The following MXI1 variants were observed in gnomAD, a reference collection of about 807,000 sequenced individuals.
MXI1 encodes the protein MAX interactor 1, dimerization protein, also known as max-interacting protein 1.
MXI1 carries 18 observed loss-of-function variants against 36.9 expected under a neutral mutation model. The ratio of observed to expected loss-of-function variants is 0.49; its 90% CI spans 0.34 to 0.72. The LOEUF is 0.72. Ranked by LOEUF, MXI1 falls within the 30% of genes least tolerant of loss-of-function variation. The probability of loss-of-function intolerance (pLI) is 0.01; values close to 1 mark genes in which losing one functional copy is unlikely to be tolerated. For missense variants in MXI1, 304 were observed against 379.1 expected, an observed-to-expected ratio of 0.80 and a Z score of 1.64; for synonymous variants, 160 against 146.7, an observed-to-expected ratio of 1.09 and a Z score of -0.65.
At chr10:110,233,867 A>G (rs1179830665) in intron 2 of MXI1, among the ~76,000 whole-genome samples, 1 of 152,160 alleles carries the variant, frequency 6.6e-6, no homozygotes, top group Non-Finnish European at 1.5e-5. Context: ...GTATTGAAGG[A>G]AACTTGTATG....
chr10:110,208,190 A>G (rs1854411417), intron 1 of MXI1, 108 bp downstream of exon 1: 4 of 1,162,800 alleles, frequency 3.4e-6, no homozygotes, highest in African/African-American at 1.7e-5. Context: ...CCCAACATAC[A>G]CATCCAGCCC....
chr10:110,286,621 A>C lies in MXI1; in HGVS notation c.*1634A>C, dbSNP rs142983262. ...AAGGAAAAAGAAAATAAAGACAACC[A>C]TATTTAGCAGTGCAGTTGAGTTGTG... On this transcript the variant is annotated 3_prime_UTR_variant, in exon 6 of 6. Transcript: ENST00000332674. The C allele has an allele frequency of 3.3e-5, 5 of 152,748 alleles. No homozygotes were observed. In the East Asian group the frequency reaches 9.6e-4, roughly 29 times the overall value. 9.5% of individuals were successfully genotyped at this position (152,748 alleles called of 1,614,324 possible).
chr10:110,249,576 CA>C (rs11436694), intron 3 of MXI1, among the ~76,000 whole-genome samples: 253 of 100,296 alleles, frequency 2.5e-3, no homozygotes, highest in Middle Eastern at 6.9e-3. Flanking sequence ...AAGACTTTGT[CA>C]AAAAAAAAAA....
At chr10:110,226,918 T>G (rs1310261776) in intron 1 of MXI1, among the ~76,000 whole-genome samples, 3 of 2,042 alleles carry the variant, frequency 1.5e-3, no homozygotes, top group Non-Finnish European at 8.1e-4. Context: ...TGCGCGCGTG[T>G]GAGGGGAGGG....
intron 1 of MXI1, among the ~76,000 whole-genome samples, chr10:110,225,838 C>G (rs1245444514): frequency 6.6e-6 from 1 of 151,826 alleles, no homozygotes; most frequent in Non-Finnish European, 1.5e-5. Flanking sequence ...CTTTGCGAAT[C>G]TTGCGGAACG....
intron 1 of MXI1, among the ~76,000 whole-genome samples, chr10:110,214,690 A>G (rs1276011753): frequency 6.6e-6 from 1 of 151,720 alleles, no homozygotes; most frequent in Non-Finnish European, 1.5e-5. Flanking sequence ...ATTGATTTAA[A>G]CTGGGTTTCT....
At position 110,207,789 on chromosome 10, in the gene MXI1, C is replaced by G. The variant is rs761017024; in HGVS notation, c.-20C>G. On this transcript the variant is annotated 5_prime_UTR_variant, in exon 1 of 6. Coordinates refer to ENST00000332674, the MANE Select transcript of MXI1 (RefSeq NM_130439.3). ...GCGCAGCCCCGTTAGAGGACGAGCT[C>G]GGCGGACCCCCGCTCCTCCATGGGC... 3 of 1,128,594 alleles carry G rather than the reference C, an allele frequency of 2.7e-6. No individual in the cohort carries two copies. The highest frequency in any genetic ancestry group is 5.0e-5 in the Admixed American group (1 of 19,858). 69.9% of individuals were successfully genotyped at this position (1,128,594 alleles called of 1,614,324 possible).
At position 110,256,716 on chromosome 10, in the gene MXI1, T is replaced by TA. The variant is rs535611891; in HGVS notation, c.437+11860dup. Reference sequence around the variant, plus strand: ...AAACTATAAGATACCACTTCACAGTTACTAAGATGACCATCTAGGGTTGCT... The same window carrying TA: ...AAACTATAAGATACCACTTCACAGTTAACTAAGATGACCATCTAGGGTTGCT... On this transcript the variant is annotated intron_variant, in intron 3 of 5. Transcript: ENST00000332674. Among the ~76,000 whole-genome samples the TA allele has an allele frequency of 1.6e-3, 244 of 152,104 alleles. 1 individual carries two copies. The highest frequency in any genetic ancestry group is 5.0e-3 in the African/African-American group (209 of 41,512).
At chr10:110,278,915 T>C (rs367647739) in intron 3 of MXI1, among the ~76,000 whole-genome samples, 2 of 152,278 alleles carry the variant, frequency 1.3e-5, no homozygotes, top group East Asian at 1.9e-4. Flanking sequence ...AGACAGTTTA[T>C]GGGGTGAGTT....
chr10:110,265,305 G>A (rs1008171106), intron 3 of MXI1, among the ~76,000 whole-genome samples: 19 of 152,140 alleles, frequency 1.2e-4, no homozygotes, highest in African/African-American at 4.6e-4. Flanking sequence ...ACATAACAAG[G>A]AAATACGTTA....
rs1043145075 is a variant in MXI1 at position 110,207,748 on chromosome 10, G to A, written c.-61G>A. 5.5e-6 allele frequency: 6 copies of A among 1,091,902 alleles called. No individual in the cohort carries two copies. The African/African-American group carries it at 1.0e-4, about 18-fold the overall frequency. The allele number at this position is 1,091,902 out of a possible 1,614,324, so 67.6% of individuals were successfully genotyped here. A position where few individuals can be genotyped will look rare whatever the true frequency, so the allele number is the denominator to read the frequency against. On this transcript the variant is annotated 5_prime_UTR_variant, in exon 1 of 6. Transcript: ENST00000332674. ...GCCGGCCGGGTCTCCCTGGGGGCCC[G>A]GAGCTCGGCCGGGCCGCGCAGCCCC...
intron 2 of MXI1, 107 bp from the exon 3 acceptor site, chr10:110,244,719 TGC>T: frequency 1.3e-6 from 1 of 799,972 alleles, no homozygotes; most frequent in East Asian, 2.7e-5. Context: ...GACCATGTGT[TGC>T]ATTGTTAAAT....
chr10:110,239,885 C>T (rs1386045136), intron 2 of MXI1, among the ~76,000 whole-genome samples: 1 of 151,836 alleles, frequency 6.6e-6, no homozygotes, highest in Non-Finnish European at 1.5e-5. Context: ...GAAGCCCCCT[C>T]CTGACTTTTC....
At chr10:110,274,655 A>T (rs1435119706) in intron 3 of MXI1, among the ~76,000 whole-genome samples, 1 of 152,186 alleles carries the variant, frequency 6.6e-6, no homozygotes, top group East Asian at 1.9e-4. Flanking sequence ...TAAATGTTTC[A>T]GTACCAGGTT....
Position 110,258,684 on chromosome 10 carries a change from G to A in MXI1, c.437+13827G>A, listed in dbSNP as rs530658690. Among the ~76,000 whole-genome samples, 5 of 152,222 alleles carry A rather than the reference G, an allele frequency of 3.3e-5. No individual in the cohort carries two copies. The East Asian group carries it at 9.6e-4, about 29-fold the overall frequency. ...GCACCTGTTAGAGTTAGAATTGAAT[G>A]CTATATGAGATAAAGATGAAGTAAT... On this transcript the variant is annotated intron_variant, in intron 3 of 5. Coordinates refer to ENST00000332674, the MANE Select transcript of MXI1 (RefSeq NM_130439.3).
At chr10:110,276,301 C>T (rs1857026669) in intron 3 of MXI1, among the ~76,000 whole-genome samples, 1 of 151,802 alleles carries the variant, frequency 6.6e-6, no homozygotes, top group African/African-American at 2.4e-5. Context: ...CTACCTCCTC[C>T]AATTACAATC....
At chr10:110,252,194 G>T (rs529162985) in intron 3 of MXI1, among the ~76,000 whole-genome samples, 1 of 152,224 alleles carries the variant, frequency 6.6e-6, no homozygotes, top group South Asian at 2.1e-4. Context: ...CTGTTAATTG[G>T]TACTACTTAT....
At chr10:110,281,052 TTTTGTTTG>T (rs1206993149) in intron 5 of MXI1, among the ~76,000 whole-genome samples, 8 of 152,186 alleles carry the variant, frequency 5.3e-5, no homozygotes, top group Admixed American at 1.3e-4. Context: ...GACAGAGTTT[TTTTGTTTG>T]TTTGTTTTTA....
intron 3 of MXI1, among the ~76,000 whole-genome samples, chr10:110,248,741 C>T (rs1331369805): frequency 6.6e-6 from 1 of 152,034 alleles, no homozygotes; most frequent in Non-Finnish European, 1.5e-5. Context: ...TTATTTCTTC[C>T]ACTCTCTCTT....
Sources: gnomAD v4.1 joint callset for allele counts (sites outside exome capture counted in the v4.1 genomes callset) on GRCh38, gnomAD v4.1.1 for gene constraint, MANE v1.5 for transcripts, NCBI Gene and HGNC (gene_info 2026-07-23, HGNC 2026-07-21) for gene names.